Variants in SLC12A3 observed in about 807,000 individuals in gnomAD.
SLC12A3 encodes the protein solute carrier family 12 member 3.
In SLC12A3, 104 loss-of-function variants were observed where a neutral mutation model predicts 121.0. That is an observed-to-expected ratio of 0.86 (90% confidence interval 0.73 to 1.01). The LOEUF (loss-of-function observed/expected upper bound fraction) is 1.01, where lower values mean the gene tolerates loss of function less well. SLC12A3 is among the 50% of genes least tolerant of loss of function. SLC12A3 has a pLI of 0.00. For missense variants in SLC12A3, 1,328 were observed against 1,356.3 expected (o/e 0.98, Z 0.33); for synonymous variants, 536 against 533.4 (o/e 1.00, Z -0.07).
rs562305533 is a variant in SLC12A3, at chr16:56,888,663, A to G, written c.2285+632A>G. On this transcript the variant is annotated intron_variant, in intron 18 of 25. Coordinates refer to ENST00000563236, the MANE Select transcript of SLC12A3 (RefSeq NM_001126108.2). ...AAGCTCCGCCTCCCGGGTTCACGCC[A>G]TTCTCCTGCCTCAGCCTCTTGAGTA... Among the ~76,000 whole-genome samples the G allele has an allele frequency of 4.6e-4, 61 of 132,786 alleles. No individual in the cohort carries two copies. In the East Asian group the frequency reaches 0.015, roughly 32 times the overall value. 87.1% of individuals were successfully genotyped at this position (132,786 alleles called of 152,430 possible).
chr16:56,905,334 G>A (rs1283641571), intron 25 of SLC12A3, among the ~76,000 whole-genome samples: 26 of 102,628 alleles, frequency 2.5e-4, no homozygotes, highest in Middle Eastern at 6.5e-3. Context: ...GCGAAACTCC[G>A]TCTCAAAAAA....
chr16:56,887,902 A>G, intron 17 of SLC12A3, 23 bp from the exon 18 acceptor site: 1 of 1,588,536 alleles, frequency 6.3e-7, no homozygotes, highest in Non-Finnish European at 8.6e-7. Context: ...TGGGTTCCCC[A>G]TCTCACCCCT....
chr16:56,887,571 A>G (rs1294328915), intron 17 of SLC12A3, among the ~76,000 whole-genome samples: 7 of 151,156 alleles, frequency 4.6e-5, no homozygotes, highest in Non-Finnish European at 1.0e-4. Context: ...AATGCCCAGG[A>G]CCTGGGAAAC....
chr16:56,894,740 C>T (rs745597126), intron 22 of SLC12A3, 98 bp downstream of exon 22: 77 of 875,464 alleles, frequency 8.8e-5, no homozygotes, highest in Non-Finnish European at 1.3e-4. Context: ...TACCACCACC[C>T]CCAGGTGGGC....
intron 25 of SLC12A3, among the ~76,000 whole-genome samples, chr16:56,911,306 C>A (rs74904678): frequency 7.5e-6 from 1 of 134,112 alleles, no homozygotes; most frequent in Non-Finnish European, 1.6e-5. Context: ...TTTTTGAGAC[C>A]TTTTGTTTGT....
intron 20 of SLC12A3, 178 bp downstream of exon 20, chr16:56,892,311 G>C: frequency 1.5e-6 from 1 of 656,522 alleles, no homozygotes; most frequent in Non-Finnish European, 2.8e-6. Context: ...GCTTGGCCGT[G>C]TCAAAGATTG....
At chr16:56,883,966 A>T in intron 13 of SLC12A3, 83 bp from the exon 14 acceptor site, 1 of 1,488,154 alleles carries the variant, frequency 6.7e-7, no homozygotes, top group Non-Finnish European at 9.3e-7. Context: ...TGCTGGCATT[A>T]CTGCCAGGCC....
At chr16:56,889,558 C>G (rs1319513165) in intron 18 of SLC12A3, among the ~76,000 whole-genome samples, 2 of 152,192 alleles carry the variant, frequency 1.3e-5, no homozygotes, top group East Asian at 3.8e-4. Context: ...CTCACCACAA[C>G]CTCTGCCTCC....
Position 56,890,376 on chromosome 16 carries a change from A to G in SLC12A3, c.2368+20A>G. 6.2e-7 allele frequency: 1 copy of G among 1,607,132 alleles called. No individual in the cohort carries two copies. Among genetic ancestry groups the G allele is most frequent in the Non-Finnish European group, 8.5e-7 (1 of 1,173,752 alleles). On this transcript the variant is annotated intron_variant, in intron 19 of 25. Coordinates refer to ENST00000563236, the MANE Select transcript of SLC12A3 (RefSeq NM_001126108.2). ...CGCACAGTGAGTACATGCCCCACCCACTCCCAGAAAGTTCTAGAACACATT... is the reference window on the plus strand; with the variant it reads ...CGCACAGTGAGTACATGCCCCACCCGCTCCCAGAAAGTTCTAGAACACATT...
intron 19 of SLC12A3, among the ~76,000 whole-genome samples, chr16:56,891,619 C>G (rs891222305): frequency 6.6e-6 from 1 of 152,160 alleles, no homozygotes; most frequent in Non-Finnish European, 1.5e-5. Flanking sequence ...TACAGGCACA[C>G]CAAAAGCCAA....
At chr16:56,874,219 A>G (rs1170644151) in intron 8 of SLC12A3, among the ~76,000 whole-genome samples, 1 of 152,232 alleles carries the variant, frequency 6.6e-6, no homozygotes, top group Non-Finnish European at 1.5e-5. Context: ...TGACTGAATC[A>G]TGGTGAAATG....
intron 18 of SLC12A3, among the ~76,000 whole-genome samples, chr16:56,888,810 G>A (rs947862771): frequency 2.7e-4 from 41 of 152,096 alleles, no homozygotes; most frequent in East Asian, 1.7e-3. Flanking sequence ...CGCCCACCTC[G>A]GCCTCCCAAA....
At chr16:56,904,610 C>A (rs2289114) in intron 25 of SLC12A3, 148 bp downstream of exon 25, 3 of 757,748 alleles carry the variant, frequency 4.0e-6, no homozygotes, top group Non-Finnish European at 6.8e-6. Flanking sequence ...ATAGCCCTGG[C>A]GATTCTTAGC....
At chr16:56,891,031 A>G (rs1410286444) in intron 19 of SLC12A3, among the ~76,000 whole-genome samples, 2 of 151,968 alleles carry the variant, frequency 1.3e-5, no homozygotes, top group Non-Finnish European at 2.9e-5. Context: ...CTGAGTAGGG[A>G]TGTGTTTTGC....
chr16:56,871,235 T>A (rs1297169924), intron 6 of SLC12A3, among the ~76,000 whole-genome samples: 1 of 152,144 alleles, frequency 6.6e-6, no homozygotes, highest in African/African-American at 2.4e-5. Flanking sequence ...TTGTGCTCCC[T>A]CCATCCCTGC....
At chr16:56,878,044 C>T in intron 8 of SLC12A3, 33 bp from the exon 9 acceptor site, 1 of 639,902 alleles carries the variant, frequency 1.6e-6, no homozygotes. Context: ...CTCTCCCTCC[C>T]TCCCTCCCTC....
At chr16:56,884,249 A>G in intron 14 of SLC12A3, 45 bp downstream of exon 14, 1 of 1,606,346 alleles carries the variant, frequency 6.2e-7, no homozygotes, top group Non-Finnish European at 8.5e-7. Flanking sequence ...CCCCCAGGGT[A>G]GCCATGCAGG....
chr16:56,898,420 G>T (rs12597036), intron 22 of SLC12A3, among the ~76,000 whole-genome samples: 1 of 152,036 alleles, frequency 6.6e-6, no homozygotes, highest in Non-Finnish European at 1.5e-5. Context: ...TACCACGGCC[G>T]GCTAATTTTT....
chr16:56,866,847 A>T (rs1964366574), intron 1 of SLC12A3, among the ~76,000 whole-genome samples: 1 of 152,188 alleles, frequency 6.6e-6, no homozygotes, highest in South Asian at 2.1e-4. Flanking sequence ...AGCTCAAGCA[A>T]TCCACCCACC....
Sources: gnomAD v4.1 joint callset for allele counts (sites outside exome capture counted in the v4.1 genomes callset) on GRCh38, gnomAD v4.1.1 for gene constraint, MANE v1.5 for transcripts, NCBI Gene and HGNC (gene_info 2026-07-23, HGNC 2026-07-21) for gene names.